AGMO: variants seen among roughly 807,000 people sequenced by gnomAD.
The protein encoded by AGMO is glyceryl-ether monooxygenase.
Under a neutral mutation model 60.2 loss-of-function variants are expected in AGMO, and 75 were observed. That is an observed-to-expected ratio of 1.25 (90% CI 1.03 to 1.51). The LOEUF (loss-of-function observed/expected upper bound fraction) is 1.51, where lower values mean the gene tolerates loss of function less well. Among genes scored for constraint, AGMO ranks in the 40% most tolerant of loss-of-function variants. AGMO has a pLI of 0.00. For missense variants in AGMO, 763 were observed against 525.5 expected (o/e 1.45, Z -4.42); for synonymous variants, 261 against 177.1 (o/e 1.47, Z -3.76).
chr7:15,244,332 A>G (rs551484531), intron 12 of AGMO, among the ~76,000 whole-genome samples: 47 of 152,282 alleles, frequency 3.1e-4, no homozygotes, highest in African/African-American at 9.6e-4. Flanking sequence ...TTGATTGTTT[A>G]TGAACATTCT....
intron 12 of AGMO, among the ~76,000 whole-genome samples, chr7:15,339,392 TGAG>T (rs772251427): frequency 8.5e-5 from 13 of 152,296 alleles, no homozygotes; most frequent in Non-Finnish European, 1.5e-4. Flanking sequence ...CTGAGTTATT[TGAG>T]GATAAGTACA....
chr7:15,246,802 T>C (rs1782756212), intron 12 of AGMO, among the ~76,000 whole-genome samples: 1 of 152,182 alleles, frequency 6.6e-6, no homozygotes, highest in Non-Finnish European at 1.5e-5. Flanking sequence ...AGCATTCCTC[T>C]TCTCCTCTTG....
chr7:15,187,009 T>C, the AGMO span, among the ~76,000 whole-genome samples: 4 of 152,238 alleles, frequency 2.6e-5, no homozygotes, highest in African/African-American at 9.6e-5. Context: ...AATTTAGACC[T>C]ATTCATCTTT....
chr7:15,128,253 G>A, the AGMO span, among the ~76,000 whole-genome samples: 1 of 152,080 alleles, frequency 6.6e-6, no homozygotes, highest in African/African-American at 2.4e-5. Context: ...AGACAAAGAA[G>A]CAGCAGCTGT....
At position 15,233,862 on chromosome 7, in the gene AGMO, C is replaced by T. The variant is rs190062093; in HGVS notation, c.1264-32503G>A. ...GTCAGTTCGAGACCAGCCTGACCAA[C>T]GTGGTGAAACCCTGTCTCTACTAAA... On this transcript the variant is annotated intron_variant, in intron 12 of 12. Coordinates refer to ENST00000342526, the MANE Select transcript of AGMO (RefSeq NM_001004320.2). 4.6e-5 allele frequency among the ~76,000 whole-genome samples: 7 copies of T among 152,206 alleles called. No individual in the cohort carries two copies. The East Asian group carries it at 7.8e-4, about 17-fold the overall frequency.
chr7:15,280,120 C>A (rs1285944110), intron 12 of AGMO, among the ~76,000 whole-genome samples: 1 of 152,238 alleles, frequency 6.6e-6, no homozygotes, highest in East Asian at 1.9e-4. Flanking sequence ...AAATTGGGCA[C>A]CCCAGGTTTG....
chr7:15,491,699 A>G (rs1783071615), intron 3 of AGMO, among the ~76,000 whole-genome samples: 1 of 152,198 alleles, frequency 6.6e-6, no homozygotes, highest in African/African-American at 2.4e-5. Context: ...TCACCAGTTC[A>G]TGCAAAATTC....
At chr7:15,320,625 A>G (rs1391435527) in intron 12 of AGMO, among the ~76,000 whole-genome samples, 1 of 152,134 alleles carries the variant, frequency 6.6e-6, no homozygotes, top group Non-Finnish European at 1.5e-5. Context: ...AATGGTTAGA[A>G]TTTCAGAGAA....
At chr7:15,236,994 A>G (rs1328481985) in intron 12 of AGMO, among the ~76,000 whole-genome samples, 1 of 152,044 alleles carries the variant, frequency 6.6e-6, no homozygotes, top group Non-Finnish European at 1.5e-5. Flanking sequence ...ACAAACATAA[A>G]AAATGTAAAA....
chr7:15,274,713 A>AT (rs1477769255), intron 12 of AGMO, among the ~76,000 whole-genome samples: 50 of 145,592 alleles, frequency 3.4e-4, no homozygotes, highest in African/African-American at 1.1e-3. Flanking sequence ...TTTTTGGTAG[A>AT]TTTTTTCATT....
chr7:15,377,325 A>G (rs1562470573), intron 10 of AGMO, among the ~76,000 whole-genome samples: 1 of 152,112 alleles, frequency 6.6e-6, no homozygotes, highest in Non-Finnish European at 1.5e-5. Context: ...TTCAGTTTGT[A>G]AAGGGTTTCA....
chr7:15,542,816 G>C (rs1784667545), intron 3 of AGMO, among the ~76,000 whole-genome samples: 1 of 152,176 alleles, frequency 6.6e-6, no homozygotes, highest in South Asian at 2.1e-4. Context: ...GACCTATTAT[G>C]TGTCAAAGAC....
chr7:15,336,263 C>G (rs1222303468), intron 12 of AGMO, among the ~76,000 whole-genome samples: 1 of 151,790 alleles, frequency 6.6e-6, no homozygotes, highest in Admixed American at 6.6e-5. Flanking sequence ...AAATTATGCT[C>G]TTACCACAAA....
the AGMO span, among the ~76,000 whole-genome samples, chr7:15,172,451 A>G: frequency 6.6e-6 from 1 of 152,214 alleles, no homozygotes; most frequent in East Asian, 1.9e-4. Context: ...ATCATTCTGT[A>G]GACCTCCGAA....
At chr7:15,268,951 A>G (rs1303214365) in intron 12 of AGMO, among the ~76,000 whole-genome samples, 1 of 152,082 alleles carries the variant, frequency 6.6e-6, no homozygotes, top group Non-Finnish European at 1.5e-5. Context: ...TTTTGAAAAT[A>G]TAAACAAACA....
chr7:15,390,896 C>G lies in AGMO; in HGVS notation c.686G>C (p.Arg229Pro). ...SHHRVHHGRNRYCIDKNYAGV... is the reference protein window; with the variant it reads ...SHHRVHHGRNPYCIDKNYAGV... ...AGCATAATTTTTGTCTATGCAATAA[C>G]GATTTCTGCCTATGAGACAAAATAT... Residue 229 changes from arginine to proline, a missense_variant, in exon 7 of 13, where the codon CGT becomes CCT. Coordinates refer to ENST00000342526, the MANE Select transcript of AGMO (RefSeq NM_001004320.2). The G allele has an allele frequency of 6.3e-7, 1 of 1,595,668 alleles. No homozygotes were observed. The highest frequency in any genetic ancestry group is 8.5e-7 in the Non-Finnish European group (1 of 1,169,862).
intron 12 of AGMO, among the ~76,000 whole-genome samples, chr7:15,232,884 G>T (rs1298318169): frequency 6.6e-6 from 1 of 151,628 alleles, no homozygotes; most frequent in Non-Finnish European, 1.5e-5. Context: ...GATAGTCCTA[G>T]CAACAGCAAG....
the AGMO span, among the ~76,000 whole-genome samples, chr7:15,194,847 T>C: frequency 2.6e-5 from 4 of 151,936 alleles, no homozygotes; most frequent in East Asian, 3.9e-4. Context: ...CAATACCCCC[T>C]GTCTAGAGAG....
At chr7:15,171,263 G>C in the AGMO span, among the ~76,000 whole-genome samples, 88 of 152,252 alleles carry the variant, frequency 5.8e-4, no homozygotes, top group Middle Eastern at 3.4e-3. Flanking sequence ...TTACAGGCTT[G>C]AGCCACCACG....
Sources: gnomAD v4.1 joint callset for allele counts (sites outside exome capture counted in the v4.1 genomes callset) on GRCh38, gnomAD v4.1.1 for gene constraint, MANE v1.5 for transcripts, NCBI Gene and HGNC (gene_info 2026-07-23, HGNC 2026-07-21) for gene names.